NLRP7: variants seen among roughly 807,000 people sequenced by gnomAD.
The protein encoded by NLRP7 is NACHT, LRR and PYD domains-containing protein 7.
Under a neutral mutation model 85.5 loss-of-function variants are expected in NLRP7, and 72 were observed. That is an observed-to-expected ratio of 0.84 (90% CI 0.70 to 1.02). The LOEUF (loss-of-function observed/expected upper bound fraction) is 1.02, where lower values mean the gene tolerates loss of function less well. NLRP7 is among the 50% of genes least tolerant of loss of function. The pLI, the probability that NLRP7 is intolerant of heterozygous loss-of-function variation, is 0.00. For missense variants in NLRP7, 1,243 were observed against 1,219.5 expected, an observed-to-expected ratio of 1.02 and a Z score of -0.29; for synonymous variants, 550 against 505.2, an observed-to-expected ratio of 1.09 and a Z score of -1.19.
At chr19:54,927,242 A>T (rs269929) in intron 9 of NLRP7, among the ~76,000 whole-genome samples, 1 of 151,402 alleles carries the variant, frequency 6.6e-6, no homozygotes, top group Admixed American at 6.6e-5. Context: ...TTAGCCAGGC[A>T]TGGTGGCAGG....
At chr19:54,945,662 A>G (rs2069437994) in intron 1 of NLRP7, among the ~76,000 whole-genome samples, 1 of 151,470 alleles carries the variant, frequency 6.6e-6, no homozygotes, top group Non-Finnish European at 1.5e-5. Flanking sequence ...GCAGTGGCAC[A>G]ATCTCGACTC....
chr19:54,963,719 G>A (rs2070156177), intron 1 of NLRP7, among the ~76,000 whole-genome samples: 1 of 150,704 alleles, frequency 6.6e-6, no homozygotes, highest in Non-Finnish European at 1.5e-5. Context: ...AGCTATTCAG[G>A]AGGCTGAGGC....
intron 9 of NLRP7, among the ~76,000 whole-genome samples, chr19:54,928,919 CA>C (rs1227617057): frequency 6.6e-6 from 1 of 152,018 alleles, no homozygotes; most frequent in Non-Finnish European, 1.5e-5. Context: ...TCTCCTGCCC[CA>C]GCCTCCCGAG....
chr19:54,953,364 CA>C (rs2146270401), intron 1 of NLRP7: 1 of 152,400 alleles, frequency 6.6e-6, no homozygotes, highest in African/African-American at 2.4e-5. Flanking sequence ...ACTGAGCAAG[CA>C]GGGGGTACGT....
At chr19:54,943,652 G>C (rs1395293385) in intron 1 of NLRP7, among the ~76,000 whole-genome samples, 3 of 152,154 alleles carry the variant, frequency 2.0e-5, no homozygotes, top group Non-Finnish European at 2.9e-5. Context: ...AACAGAAAAA[G>C]TGACTTGCCA....
intron 1 of NLRP7, among the ~76,000 whole-genome samples, chr19:54,957,300 C>T (rs1423263139): frequency 6.6e-6 from 1 of 151,376 alleles, no homozygotes; most frequent in African/African-American, 2.4e-5. Flanking sequence ...GATTACAGAC[C>T]GTGAGCCACT....
At chr19:54,936,415 G>A in exon 6 of NLRP7, 1 of 1,614,114 alleles carries the variant, frequency 6.2e-7, no homozygotes, top group Non-Finnish European at 8.5e-7. Flanking sequence ...GCGGTGTCAG[G>A]GGTGACGTTT....
At chr19:54,948,770 C>G (rs1383658265), upstream of NLRP7, 1 of 152,170 alleles carries the variant, frequency 6.6e-6, no homozygotes, top group Non-Finnish European at 1.5e-5. Flanking sequence ...AGGGTTTCAC[C>G]ATATTGGTCA....
rs771918594 is a variant in NLRP7, at chr19:54,934,439, C to G, written c.2471+50G>C. 1.9e-6 allele frequency: 3 copies of G among 1,595,304 alleles called. No individual in the cohort carries two copies. Among genetic ancestry groups the G allele is most frequent in the African/African-American group, 2.7e-5 (2 of 74,558 alleles). On this transcript the variant is annotated intron_variant, in intron 7 of 9. Coordinates refer to ENST00000340844, the Ensembl canonical transcript of NLRP7. This position sits in a 1 kb window ranked among gnomAD's most constrained non-coding sequence, Gnocchi z 6.7. ...TAAGTCAGGTGTTACCCTTTCTCTT[C>G]TATAGCCCCAGAACTAAACCAGAGC...
At chr19:54,926,138 G>A (rs576030603) in intron 9 of NLRP7, among the ~76,000 whole-genome samples, 5 of 152,094 alleles carry the variant, frequency 3.3e-5, no homozygotes, top group Admixed American at 2.6e-4. Context: ...TCTGTAGGAC[G>A]ATCTTCTGAA....
intron 1 of NLRP7, among the ~76,000 whole-genome samples, chr19:54,955,251 C>T (rs1345034836): frequency 6.6e-6 from 1 of 150,986 alleles, no homozygotes; most frequent in Non-Finnish European, 1.5e-5. Flanking sequence ...ATCACTTGAA[C>T]CCGGGTGGCA....
At chr19:54,925,410 G>C (rs2068387394) in intron 9 of NLRP7, among the ~76,000 whole-genome samples, 1 of 152,086 alleles carries the variant, frequency 6.6e-6, no homozygotes, top group Non-Finnish European at 1.5e-5. Flanking sequence ...CCTTGAGCAG[G>C]ATATAAATAA....
Position 54,934,562 on chromosome 19 carries a change from C to T in NLRP7, c.2398G>A (p.Val800Met). The stretch of plus-strand genomic sequence containing the variant: ...AACATGGCACCCTCATCCAGGAGCA[C>T]ATTGGCTGAGAGACGCAGGTGCTTC... The change falls in exon 7 of 10, where the codon GTG becomes ATG. Residue 800 changes from valine (V) to methionine (M), a missense_variant. Coordinates refer to ENST00000340844, the Ensembl canonical transcript of NLRP7. The surrounding 1 kb of genome is among the most constrained non-coding windows in gnomAD (Gnocchi z 6.7). The T allele has an allele frequency of 1.2e-6, 2 of 1,614,062 alleles. No individual in the cohort carries two copies. The highest frequency in any genetic ancestry group is 1.7e-6 in the Non-Finnish European group (2 of 1,179,954).
At chr19:54,924,533 A>T (rs1421966506) in intron 9 of NLRP7, among the ~76,000 whole-genome samples, 2 of 152,206 alleles carry the variant, frequency 1.3e-5, no homozygotes, top group Non-Finnish European at 2.9e-5. Context: ...CGGAGGCAAG[A>T]GGATCACTTG....
At chr19:54,951,871 C>T (rs1322160091), upstream of NLRP7, among the ~76,000 whole-genome samples, 2 of 152,050 alleles carry the variant, frequency 1.3e-5, no homozygotes, top group African/African-American at 4.8e-5. Context: ...CTGCCTCAGC[C>T]TCCCGAATAG....
intron 4 of NLRP7, 46 bp downstream of exon 4, chr19:54,938,842 G>C (rs764224069): frequency 6.2e-7 from 1 of 1,604,442 alleles, no homozygotes; most frequent in Non-Finnish European, 8.5e-7. Context: ...CAAAGGAGAC[G>C]CTGGCCTCTT....
Position 54,958,815 on chromosome 19 carries a change from C to T in NLRP7, c.-77+7225G>A, listed in dbSNP as rs559964450. Among the ~76,000 whole-genome samples the T allele has an allele frequency of 1.4e-3, 209 of 152,218 alleles. 1 individual carries two copies. Among genetic ancestry groups the T allele is most frequent in the South Asian group, 7.7e-3 (37 of 4,822 alleles). On this transcript the variant is annotated intron_variant, in intron 1 of 2. Transcript: ENST00000587103. ...CTACTGTCTTAAAATCCAAGCTCCT[C>T]GAGTGCACAGTTTCTGTCCCTTTTA...
At chr19:54,930,808 C>T in intron 8 of NLRP7, 142 bp from the exon 9 acceptor site, 1 of 724,520 alleles carries the variant, frequency 1.4e-6, no homozygotes, top group Non-Finnish European at 2.4e-6. Context: ...CTCTGCCTCC[C>T]AGGTTCAAGC....
intron 9 of NLRP7, among the ~76,000 whole-genome samples, chr19:54,926,898 A>C (rs1199100372): frequency 2.9e-5 from 4 of 139,834 alleles, no homozygotes; most frequent in African/African-American, 5.4e-5. Context: ...CCTGGGGGAC[A>C]GAGAGAGACT....
Sources: gnomAD v4.1 joint callset for allele counts (sites outside exome capture counted in the v4.1 genomes callset) on GRCh38, gnomAD v4.1.1 for gene constraint, Gnocchi (gnomAD v3.1) non-coding constraint, MANE v1.5 for transcripts, NCBI Gene and HGNC (gene_info 2026-07-23, HGNC 2026-07-21) for gene names.